CHN2: variants seen among roughly 807,000 people sequenced by gnomAD.
CHN2 encodes beta-chimaerin.
A neutral mutation model predicts 56.3 loss-of-function variants in CHN2; 35 were observed. The observed-to-expected ratio is 0.62, with a 90% CI of 0.47 to 0.82. The LOEUF is 0.82. CHN2 is among the 40% of genes least tolerant of loss of function. CHN2 has a pLI of 0.00. For synonymous variants in CHN2, 210 were observed against 212.8 expected (o/e 0.99, Z 0.12); for missense variants, 491 against 580.5 (o/e 0.85, Z 1.58).
intron 1 of CHN2, among the ~76,000 whole-genome samples, chr7:29,225,148 A>G (rs1464071476): frequency 1.3e-5 from 2 of 152,208 alleles, no homozygotes; most frequent in Non-Finnish European, 2.9e-5. Context: ...CTCCTTATAG[A>G]TTTAAAACAG....
chr7:29,471,382 T>A (rs1786016495), intron 6 of CHN2, among the ~76,000 whole-genome samples: 1 of 152,192 alleles, frequency 6.6e-6, no homozygotes, highest in South Asian at 2.1e-4. Flanking sequence ...CATCAGAAAT[T>A]AGCCACAATT....
chr7:29,356,263 TAC>T (rs556686496), intron 2 of CHN2, among the ~76,000 whole-genome samples: 150 of 152,206 alleles, frequency 9.9e-4, no homozygotes, highest in African/African-American at 3.6e-3. Context: ...TGTGCATGTA[TAC>T]ACACACACAT....
intron 1 of CHN2, among the ~76,000 whole-genome samples, chr7:29,305,172 C>G (rs575651803): frequency 2.2e-4 from 33 of 152,242 alleles, no homozygotes; most frequent in African/African-American, 7.7e-4. Context: ...CCAGGAAATT[C>G]CCAGTGATTG....
At chr7:29,160,996 C>T (rs1326851001) in intron 2 of CHN2, among the ~76,000 whole-genome samples, 1 of 152,054 alleles carries the variant, frequency 6.6e-6, no homozygotes, top group Non-Finnish European at 1.5e-5. Context: ...TTGAGTTTTT[C>T]CTGCTTTTTT....
chr7:29,243,299 A>G (rs1787827721), intron 1 of CHN2, among the ~76,000 whole-genome samples: 2 of 152,124 alleles, frequency 1.3e-5, no homozygotes. Flanking sequence ...TATTCCTGGC[A>G]TTTTCCACCC....
intron 1 of CHN2, among the ~76,000 whole-genome samples, chr7:29,223,721 A>G (rs527784893): frequency 6.6e-6 from 1 of 152,272 alleles, no homozygotes; most frequent in African/African-American, 2.4e-5. Context: ...TACAAAAAAT[A>G]TTGCTATGAA....
At chr7:29,495,821 T>A in intron 7 of CHN2, 131 bp from the exon 8 acceptor site, 1 of 698,956 alleles carries the variant, frequency 1.4e-6, no homozygotes, top group Non-Finnish European at 2.5e-6. Flanking sequence ...CAGGATCTGT[T>A]TGCAACTGCT....
intron 1 of CHN2, among the ~76,000 whole-genome samples, chr7:29,308,904 C>T (rs1794370952): frequency 6.6e-6 from 1 of 152,190 alleles, no homozygotes; most frequent in African/African-American, 2.4e-5. Flanking sequence ...GTGTTCCTCT[C>T]CAAGACCAGA....
rs1189401834 is a variant in CHN2 at position 29,477,819 on chromosome 7, C to T, written c.577-2460C>T. On this transcript the variant is annotated intron_variant, in intron 6 of 12. Coordinates refer to ENST00000222792, the MANE Select transcript of CHN2 (RefSeq NM_004067.4). ...TGGTCACAGGAGGGACTGGAGACCC[C>T]GCACCATGCAGTCCTCTTTGCACAC... Among the ~76,000 whole-genome samples the T allele has an allele frequency of 2.6e-5, 4 of 152,322 alleles. 1 individual carries two copies. The South Asian group carries it at 6.2e-4, about 24-fold the overall frequency.
intron 1 of CHN2, among the ~76,000 whole-genome samples, chr7:29,255,006 A>G (rs969357729): frequency 4.6e-5 from 7 of 152,278 alleles, no homozygotes; most frequent in African/African-American, 1.4e-4. Context: ...TAGAGTGGTG[A>G]GACCACTGGG....
At chr7:29,479,765 T>A (rs1041719914) in intron 6 of CHN2, 1 of 1,174,652 alleles carries the variant, frequency 8.5e-7, no homozygotes, top group Non-Finnish European at 1.1e-6. Context: ...TCCTTTGCAA[T>A]GTGCTGCGGC....
Position 29,412,335 on chromosome 7 carries a change from TTTTTTTTTTTTTTG to T in CHN2, c.576+11508_576+11521del, listed in dbSNP as rs1410238140. ...GCTAAAGAGTCTTTTTTTTTTTTTT[TTTTTTTTTTTTTTG>T]GGAGACGGAGTCTCCCTCTGTTTCC... On this transcript the variant is annotated intron_variant, in intron 6 of 12. Transcript: ENST00000222792. 7.5e-4 allele frequency among the ~76,000 whole-genome samples: 87 copies of T among 115,498 alleles called. 1 individual carries two copies. The highest frequency in any genetic ancestry group is 7.1e-3 in the East Asian group (31 of 4,358). The allele number at this position is 115,498 out of a possible 152,430, so 75.8% of individuals were successfully genotyped here. A position where few individuals can be genotyped will look rare whatever the true frequency, so the allele number is the denominator to read the frequency against.
At position 29,368,002 on chromosome 7, in the gene CHN2, A is replaced by G. The variant is rs546290259; in HGVS notation, c.144+15A>G. 1 of 1,604,834 alleles carries G rather than the reference A, an allele frequency of 6.2e-7. No homozygotes were observed. The highest frequency in any genetic ancestry group is 1.1e-5 in the South Asian group (1 of 89,728). On this transcript the variant is annotated intron_variant, in intron 3 of 12. Transcript: ENST00000222792. ...GTCCTCGGGAGGTCAGTGCTCAGCT[A>G]TTTCCAATACACCTTGTTAAATATG...
chr7:29,274,693 A>C (rs1444282572), intron 1 of CHN2, among the ~76,000 whole-genome samples: 1 of 152,190 alleles, frequency 6.6e-6, no homozygotes, highest in Non-Finnish European at 1.5e-5. Context: ...GTGCAGATCA[A>C]AGAGAAGCTA....
At chr7:29,452,738 G>A (rs1784490292) in intron 6 of CHN2, among the ~76,000 whole-genome samples, 1 of 151,832 alleles carries the variant, frequency 6.6e-6, no homozygotes, top group Non-Finnish European at 1.5e-5. Context: ...TTGATATAAA[G>A]CTGAATTGTC....
chr7:29,481,601 A>G (rs1318934350), intron 7 of CHN2, among the ~76,000 whole-genome samples: 1 of 150,944 alleles, frequency 6.6e-6, no homozygotes, highest in Non-Finnish European at 1.5e-5. Context: ...AAAGCTTTTC[A>G]TATTTCTCCC....
chr7:29,419,886 C>T (rs773250526), intron 6 of CHN2, among the ~76,000 whole-genome samples: 5 of 151,950 alleles, frequency 3.3e-5, no homozygotes, highest in Non-Finnish European at 7.4e-5. Context: ...ATGGTGAAAC[C>T]CCGTCTCTAC....
chr7:29,322,723 C>T lies in CHN2; in HGVS notation c.50-31902C>T, dbSNP rs142123275. Among the ~76,000 whole-genome samples, 5 of 152,284 alleles carry T rather than the reference C, an allele frequency of 3.3e-5. No homozygotes were observed. The East Asian group carries it at 9.7e-4, about 29-fold the overall frequency. ...AGGAATTATTTACTGCAAATATAGT[C>T]AGGTCAACACTATTCCTAGTCAGGG... On this transcript the variant is annotated intron_variant, in intron 1 of 12. Transcript: ENST00000222792.
intron 3 of CHN2, among the ~76,000 whole-genome samples, chr7:29,388,188 A>G (rs1421686399): frequency 1.3e-5 from 2 of 152,256 alleles, no homozygotes; most frequent in African/African-American, 4.8e-5. Flanking sequence ...TCAGATAACA[A>G]GGGGTAGCTG....
Sources: gnomAD v4.1 joint callset for allele counts (sites outside exome capture counted in the v4.1 genomes callset) on GRCh38, gnomAD v4.1.1 for gene constraint, MANE v1.5 for transcripts, NCBI Gene and HGNC (gene_info 2026-07-23, HGNC 2026-07-21) for gene names.